NAALADL2: variants seen among roughly 807,000 people sequenced by gnomAD.
NAALADL2 encodes the protein inactive N-acetylated-alpha-linked acidic dipeptidase-like protein 2.
Under a neutral mutation model 87.2 loss-of-function variants are expected in NAALADL2, and 76 were observed. The ratio of observed to expected loss-of-function variants is 0.87; its 90% CI spans 0.72 to 1.05. The LOEUF is 1.05. Ranked by LOEUF, NAALADL2 falls within the 50% of genes least tolerant of loss-of-function variation. The pLI is 0.00. For missense variants in NAALADL2, 1,089 were observed against 945.8 expected (o/e 1.15, Z -1.99); for synonymous variants, 354 against 331.0 (o/e 1.07, Z -0.75).
intron 2 of NAALADL2, among the ~76,000 whole-genome samples, chr3:175,146,190 C>T (rs1462548605): frequency 1.3e-5 from 2 of 151,994 alleles, no homozygotes; most frequent in Non-Finnish European, 2.9e-5. Context: ...TGTCTGTTGA[C>T]TCTTACATAA....
At position 174,914,836 on chromosome 3, in the gene NAALADL2, C is replaced by T. The variant is rs530206225; in HGVS notation, c.43+55386C>T. On this transcript the variant is annotated intron_variant, in intron 1 of 13. Transcript: ENST00000454872. ...GACCAGAGTCTTTGTAGCTGAGTGT[C>T]AGGGGTTTCAAACTCAATAAGGGAG... 2.5e-4 allele frequency among the ~76,000 whole-genome samples: 38 copies of T among 152,240 alleles called. No homozygotes were observed. The South Asian group carries it at 7.9e-3, about 32-fold the overall frequency.
intron 2 of NAALADL2, among the ~76,000 whole-genome samples, chr3:174,622,722 T>G (rs1475674318): frequency 6.6e-6 from 1 of 152,194 alleles, no homozygotes; most frequent in African/African-American, 2.4e-5. Context: ...TTTATCCATA[T>G]TTTAAGTTTA....
intron 3 of NAALADL2, among the ~76,000 whole-genome samples, chr3:174,752,484 A>G (rs977587114): frequency 6.6e-6 from 1 of 152,066 alleles, no homozygotes; most frequent in African/African-American, 2.4e-5. Flanking sequence ...GTTTAGCAAA[A>G]TAATTGATTA....
At chr3:175,476,836 G>A (rs1165545165) in intron 9 of NAALADL2, among the ~76,000 whole-genome samples, 1 of 151,990 alleles carries the variant, frequency 6.6e-6, no homozygotes, top group Non-Finnish European at 1.5e-5. Context: ...TGAGTGACTG[G>A]AGCCCTGACT....
chr3:175,802,857 A>G (rs1389222709), intron 13 of NAALADL2, 148 bp from the exon 14 acceptor site: 7 of 580,192 alleles, frequency 1.2e-5, no homozygotes, highest in Non-Finnish European at 9.0e-6. Context: ...TTGTTAATTC[A>G]TTAGGAGTTG....
At chr3:175,435,308 GACTATATCAATATGT>G (rs1718435549) in intron 5 of NAALADL2, among the ~76,000 whole-genome samples, 1 of 151,828 alleles carries the variant, frequency 6.6e-6, no homozygotes, top group Non-Finnish European at 1.5e-5. Flanking sequence ...GTTTCGATGT[GACTATATCAATATGT>G]ACTAAAGCAA....
At chr3:175,453,286 C>T (rs1403858560) in intron 6 of NAALADL2, among the ~76,000 whole-genome samples, 1 of 152,082 alleles carries the variant, frequency 6.6e-6, no homozygotes, top group Non-Finnish European at 1.5e-5. Flanking sequence ...TGGACCAACA[C>T]TGTCATTTAC....
At chr3:175,277,636 C>A (rs1254909276) in intron 4 of NAALADL2, among the ~76,000 whole-genome samples, 1 of 152,070 alleles carries the variant, frequency 6.6e-6, no homozygotes, top group Non-Finnish European at 1.5e-5. Flanking sequence ...ACTTAAAACT[C>A]TTCAATGGAT....
chr3:175,133,413 G>C (rs1728539426), intron 2 of NAALADL2, among the ~76,000 whole-genome samples: 1 of 152,338 alleles, frequency 6.6e-6, no homozygotes, highest in East Asian at 1.9e-4. Flanking sequence ...TCACGCCACT[G>C]CACTCCAGCC....
At chr3:174,914,530 T>C (rs547238484) in intron 1 of NAALADL2, among the ~76,000 whole-genome samples, 2 of 152,294 alleles carry the variant, frequency 1.3e-5, no homozygotes, top group African/African-American at 4.8e-5. Context: ...CCCATTTTCC[T>C]ATAAGTAAAG....
In NAALADL2 at chr3:174,797,311, T is replaced by C. The variant is rs555788742; in HGVS notation, c.-9+59565T>C. Among the ~76,000 whole-genome samples the C allele has an allele frequency of 2.4e-3, 233 of 95,876 alleles. 1 individual carries two copies. Among genetic ancestry groups the C allele is most frequent in the Middle Eastern group, 4.8e-3 (1 of 208 alleles). 62.9% of individuals were successfully genotyped at this position (95,876 alleles called of 152,430 possible). ...TCTTTTGTTTTTCTTTTTTCTTTTT[T>C]TTTTTTTTTTTTTTTTTTGAGACAG... is the stretch of plus-strand genomic sequence containing the variant. On this transcript the variant is annotated intron_variant, in intron 3 of 3. Coordinates refer to the NAALADL2 transcript ENST00000434257.
intron 2 of NAALADL2, among the ~76,000 whole-genome samples, chr3:174,711,360 A>G (rs550897718): frequency 6.6e-6 from 1 of 152,290 alleles, no homozygotes. Context: ...ACCTCCATGC[A>G]GGTAAAAGCG....
intron 1 of NAALADL2, among the ~76,000 whole-genome samples, chr3:174,495,290 C>T (rs897247273): frequency 6.8e-6 from 1 of 146,782 alleles, no homozygotes; most frequent in Non-Finnish European, 1.5e-5. Flanking sequence ...AACAGCCTTA[C>T]TGCATTCATA....
At chr3:175,047,958 A>G (rs1014075696) in intron 1 of NAALADL2, among the ~76,000 whole-genome samples, 1 of 152,146 alleles carries the variant, frequency 6.6e-6, no homozygotes, top group African/African-American at 2.4e-5. Context: ...TTCCCACTAA[A>G]TGGAGTATAT....
chr3:175,460,552 T>G (rs1360303251), intron 6 of NAALADL2, among the ~76,000 whole-genome samples: 8 of 152,266 alleles, frequency 5.3e-5, no homozygotes, highest in Middle Eastern at 3.4e-3. Context: ...GACCTCGAGA[T>G]GTAGAAAGCA....
At chr3:175,697,590 G>C (rs1738018370) in intron 11 of NAALADL2, among the ~76,000 whole-genome samples, 3 of 151,598 alleles carry the variant, frequency 2.0e-5, no homozygotes, top group Non-Finnish European at 4.4e-5. Context: ...GGATAACTCT[G>C]AAAATGAAAG....
intron 13 of NAALADL2, among the ~76,000 whole-genome samples, chr3:175,798,055 T>G (rs1433183179): frequency 6.6e-6 from 1 of 152,006 alleles, no homozygotes; most frequent in Non-Finnish European, 1.5e-5. Flanking sequence ...ATGCAGAAAT[T>G]TATTTTATGT....
At chr3:175,588,598 G>C (rs2149595192) in intron 10 of NAALADL2, among the ~76,000 whole-genome samples, 1 of 143,500 alleles carries the variant, frequency 7.0e-6, no homozygotes, top group Non-Finnish European at 1.5e-5. Context: ...GAGTGCAGTG[G>C]CACGATCTCG....
intron 13 of NAALADL2, among the ~76,000 whole-genome samples, chr3:175,760,299 T>C (rs1583141205): frequency 6.6e-6 from 1 of 152,108 alleles, no homozygotes; most frequent in Non-Finnish European, 1.5e-5. Context: ...TATATGAAGA[T>C]CTATGGATAA....
Sources: allele counts gnomAD v4.1 joint callset (sites outside exome capture counted in the v4.1 genomes callset), GRCh38; gene constraint gnomAD v4.1.1; transcripts MANE v1.5; gene names NCBI Gene and HGNC (gene_info 2026-07-23, HGNC 2026-07-21).